CNBD1: variants seen among roughly 807,000 people sequenced by gnomAD.
The protein encoded by CNBD1 is cyclic nucleotide-binding domain-containing protein 1.
In CNBD1, 71 loss-of-function variants were observed where a neutral mutation model predicts 54.4. The ratio of observed to expected loss-of-function variants is 1.30; its 90% CI spans 1.08 to 1.59. The LOEUF (loss-of-function observed/expected upper bound fraction) is 1.59. Ranked by LOEUF, CNBD1 falls within the 40% of genes most tolerant of loss-of-function variation. The pLI is 0.00. For synonymous variants in CNBD1, 182 were observed against 170.7 expected (o/e 1.07, Z -0.51); for missense variants, 659 against 518.0 (o/e 1.27, Z -2.64).
rs532740404 is a variant in CNBD1 at position 87,143,357 on chromosome 8, TTGTC to T, written c.432-62633_432-62630del. ...GTAGTGAGCTTTTCAAGCCGGCAGA[TTGTC>T]TGCTAAGGGCACCTACATCAACACA... is the stretch of plus-strand genomic sequence containing the variant. On this transcript the variant is annotated intron_variant, in intron 4 of 10. Coordinates refer to ENST00000518476, the MANE Select transcript of CNBD1 (RefSeq NM_173538.3). Among the ~76,000 whole-genome samples the T allele has an allele frequency of 5.6e-3, 860 of 152,242 alleles. 4 individuals carry two copies. The highest frequency in any genetic ancestry group is 5.6e-3 in the Non-Finnish European group (380 of 68,016).
At chr8:87,037,973 C>A (rs933569956) in intron 4 of CNBD1, among the ~76,000 whole-genome samples, 2 of 152,168 alleles carry the variant, frequency 1.3e-5, no homozygotes, top group Non-Finnish European at 2.9e-5. Context: ...CTTTCAGTCT[C>A]CCATCTGGTG....
chr8:86,896,267 G>C (rs950796523), intron 2 of CNBD1, among the ~76,000 whole-genome samples: 1 of 152,082 alleles, frequency 6.6e-6, no homozygotes, highest in Admixed American at 6.5e-5. Context: ...TATAATAACT[G>C]TACATGTTTG....
chr8:87,276,116 A>G (rs1239163948), intron 6 of CNBD1, among the ~76,000 whole-genome samples: 2 of 151,942 alleles, frequency 1.3e-5, no homozygotes, highest in Non-Finnish European at 2.9e-5. Context: ...TTACTATCTA[A>G]TACGTATATA....
intron 4 of CNBD1, among the ~76,000 whole-genome samples, chr8:87,006,644 C>T (rs1446580257): frequency 6.6e-6 from 1 of 152,076 alleles, no homozygotes; most frequent in African/African-American, 2.4e-5. Flanking sequence ...CCAGATCTCA[C>T]AAGAACTCAC....
intron 4 of CNBD1, among the ~76,000 whole-genome samples, chr8:86,969,782 A>T (rs1024067502): frequency 2.2e-5 from 1 of 44,730 alleles, no homozygotes; most frequent in African/African-American, 6.3e-5. Context: ...CTAGTGTTTT[A>T]TATATATATA....
At position 87,317,020 on chromosome 8, in the gene CNBD1, C is replaced by T. The variant is rs539470386; in HGVS notation, c.1042+30349C>T. 1.3e-4 allele frequency among the ~76,000 whole-genome samples: 19 copies of T among 151,790 alleles called. No individual in the cohort carries two copies. The South Asian group carries it at 3.9e-3, about 31-fold the overall frequency. On this transcript the variant is annotated intron_variant, in intron 8 of 10. Coordinates refer to ENST00000518476, the MANE Select transcript of CNBD1 (RefSeq NM_173538.3). ...ATGAATTACATAAACTTCTCTAGGTCTCATTTTTCTTCTTTGTAAAATGGG... is the reference window on the plus strand; with the variant it reads ...ATGAATTACATAAACTTCTCTAGGTTTCATTTTTCTTCTTTGTAAAATGGG...
chr8:87,046,088 C>G (rs1027299653), intron 4 of CNBD1, among the ~76,000 whole-genome samples: 4 of 147,502 alleles, frequency 2.7e-5, no homozygotes, highest in African/African-American at 1.0e-4. Context: ...TGCCCCCCTA[C>G]TTTGGCTGTA....
chr8:87,153,715 T>C (rs1040027735), intron 4 of CNBD1, among the ~76,000 whole-genome samples: 1 of 152,152 alleles, frequency 6.6e-6, no homozygotes, highest in African/African-American at 2.4e-5. Flanking sequence ...TGCTGTGCAA[T>C]GGAGATACAT....
chr8:87,239,813 T>G (rs892368807), intron 6 of CNBD1, among the ~76,000 whole-genome samples: 12 of 149,004 alleles, frequency 8.1e-5, no homozygotes, highest in Non-Finnish European at 1.6e-4. Context: ...GTGAAACAAT[T>G]TTTTTTTTGC....
chr8:87,395,843 G>A (rs1811399195), intron 2 of CNBD1, among the ~76,000 whole-genome samples: 1 of 151,860 alleles, frequency 6.6e-6, no homozygotes, highest in Non-Finnish European at 1.5e-5. Flanking sequence ...GATTCATACT[G>A]TCAGCGTTAT....
intron 10 of CNBD1, among the ~76,000 whole-genome samples, chr8:87,363,438 G>T (rs1171967621): frequency 6.6e-6 from 1 of 152,066 alleles, no homozygotes; most frequent in Non-Finnish European, 1.5e-5. Context: ...CTTCCACAAT[G>T]GTTGAACTAA....
chr8:87,335,106 G>A (rs1284809754), intron 8 of CNBD1, among the ~76,000 whole-genome samples: 1 of 152,108 alleles, frequency 6.6e-6, no homozygotes. Flanking sequence ...CATTTGCTGA[G>A]GAGCGTTTTA....
intron 8 of CNBD1, among the ~76,000 whole-genome samples, chr8:87,309,231 A>G (rs12547621): frequency 0.17 from 26,082 of 152,060 alleles, 3,255 homozygotes; most frequent in African/African-American, 0.36. Context: ...CTTTTTCTGC[A>G]TTCTCATCAG....
chr8:87,165,686 G>A (rs767244313), intron 4 of CNBD1, among the ~76,000 whole-genome samples: 7 of 151,754 alleles, frequency 4.6e-5, no homozygotes, highest in African/African-American at 7.3e-5. Context: ...GTTGGATCTC[G>A]TGTTTTATGA....
intron 4 of CNBD1, among the ~76,000 whole-genome samples, chr8:86,975,078 A>T (rs1706685046): frequency 6.6e-6 from 1 of 152,014 alleles, no homozygotes; most frequent in Non-Finnish European, 1.5e-5. Context: ...TATACAGCAG[A>T]TTTTCTTGTT....
chr8:87,162,802 T>A (rs1812884517), intron 4 of CNBD1, among the ~76,000 whole-genome samples: 1 of 151,946 alleles, frequency 6.6e-6, no homozygotes, highest in Non-Finnish European at 1.5e-5. Flanking sequence ...GGGAGGGAAG[T>A]GCTATGGTTT....
intron 2 of CNBD1, among the ~76,000 whole-genome samples, chr8:87,412,610 T>G (rs970665097): frequency 2.0e-5 from 3 of 152,066 alleles, no homozygotes; most frequent in African/African-American, 7.2e-5. Flanking sequence ...GACACTATGT[T>G]TTCACATTTG....
intron 4 of CNBD1, among the ~76,000 whole-genome samples, chr8:87,191,870 A>G (rs896089299): frequency 8.5e-5 from 13 of 152,184 alleles, no homozygotes; most frequent in African/African-American, 3.1e-4. Flanking sequence ...TGGAGAGAGA[A>G]TCAAAATCTG....
At chr8:87,390,181 G>A (rs1398116087) in intron 2 of CNBD1, among the ~76,000 whole-genome samples, 1 of 152,162 alleles carries the variant, frequency 6.6e-6, no homozygotes, top group Non-Finnish European at 1.5e-5. Flanking sequence ...TCAGGACATA[G>A]GCATGGGCAA....
Sources: allele counts gnomAD v4.1 joint callset (sites outside exome capture counted in the v4.1 genomes callset), GRCh38; gene constraint gnomAD v4.1.1; transcripts MANE v1.5; gene names NCBI Gene and HGNC (gene_info 2026-07-23, HGNC 2026-07-21).